The following CPNE4 variants were observed in gnomAD, a reference collection of about 807,000 sequenced individuals.
CPNE4 encodes copine 4, also known as copine-4.
Under a neutral mutation model 67.9 loss-of-function variants are expected in CPNE4, and 25 were observed. That is an observed-to-expected ratio of 0.37 (90% confidence interval 0.27 to 0.51). CPNE4 has a LOEUF of 0.51. Ranked by LOEUF, CPNE4 falls within the 20% of genes least tolerant of loss-of-function variation. The pLI, the probability that CPNE4 is intolerant of heterozygous loss-of-function variation, is 0.93. For missense variants in CPNE4, 464 were observed against 690.8 expected, an observed-to-expected ratio of 0.67 and a Z score of 3.68; for synonymous variants, 242 against 244.9, an observed-to-expected ratio of 0.99 and a Z score of 0.11.
chr3:131,863,722 T>C (rs1340734964), intron 2 of CPNE4, among the ~76,000 whole-genome samples: 2 of 152,236 alleles, frequency 1.3e-5, no homozygotes, highest in Non-Finnish European at 2.9e-5. Context: ...AGATCCCATT[T>C]GTCAATTTTG....
intron 7 of CPNE4, among the ~76,000 whole-genome samples, chr3:131,633,137 C>T (rs6767010): frequency 0.27 from 41,808 of 152,092 alleles, 9,492 homozygotes; most frequent in African/African-American, 0.63. Context: ...TCAAATCTTT[C>T]AGGAAATCTT....
chr3:131,835,685 T>C (rs75977129), intron 2 of CPNE4, among the ~76,000 whole-genome samples: 3,255 of 152,182 alleles, frequency 0.021, 106 homozygotes, highest in African/African-American at 0.073. Flanking sequence ...CTGTGACATA[T>C]AGGTAGGGAT....
chr3:131,896,346 C>T (rs1360013705), intron 2 of CPNE4, among the ~76,000 whole-genome samples: 1 of 151,994 alleles, frequency 6.6e-6, no homozygotes, highest in African/African-American at 2.4e-5. Flanking sequence ...ATCATAGCAT[C>T]ACAACAAACA....
At chr3:131,588,221 C>G (rs993439578) in intron 7 of CPNE4, among the ~76,000 whole-genome samples, 2 of 152,174 alleles carry the variant, frequency 1.3e-5, no homozygotes, top group African/African-American at 4.8e-5. Flanking sequence ...ACCCATCACA[C>G]ACAAGATGCA....
chr3:131,762,240 C>T (rs1251053641), intron 2 of CPNE4, among the ~76,000 whole-genome samples: 1 of 152,014 alleles, frequency 6.6e-6, no homozygotes, highest in Non-Finnish European at 1.5e-5. Context: ...TATTAAGGGG[C>T]ACCCAGGAAG....
chr3:131,977,717 C>T (rs1168478328), intron 1 of CPNE4, among the ~76,000 whole-genome samples: 1 of 151,860 alleles, frequency 6.6e-6, no homozygotes, highest in Non-Finnish European at 1.5e-5. Flanking sequence ...TACAGGGGTA[C>T]AGGTGATATT....
chr3:131,577,155 A>T (rs1040479049), intron 9 of CPNE4, among the ~76,000 whole-genome samples: 2 of 152,122 alleles, frequency 1.3e-5, no homozygotes, highest in Non-Finnish European at 2.9e-5. Context: ...GGGTAGGGAT[A>T]TGACCCAAAG....
At chr3:131,640,846 A>G (rs1405310997) in intron 7 of CPNE4, among the ~76,000 whole-genome samples, 1 of 152,174 alleles carries the variant, frequency 6.6e-6, no homozygotes, top group Non-Finnish European at 1.5e-5. Context: ...AGAATAGAGA[A>G]CCCAGAAATA....
chr3:131,994,993 A>C (rs886089216), intron 1 of CPNE4, among the ~76,000 whole-genome samples: 3 of 152,080 alleles, frequency 2.0e-5, no homozygotes, highest in African/African-American at 7.2e-5. Context: ...TCCTACCTCT[A>C]GGAGGTAACA....
intron 5 of CPNE4, among the ~76,000 whole-genome samples, chr3:131,691,524 G>A (rs1207387302): frequency 3.3e-5 from 5 of 152,114 alleles, no homozygotes; most frequent in African/African-American, 7.2e-5. Context: ...TGGGAACAGT[G>A]GACGATGGTG....
At chr3:131,979,819 T>C (rs1242820423) in intron 1 of CPNE4, among the ~76,000 whole-genome samples, 1 of 152,274 alleles carries the variant, frequency 6.6e-6, no homozygotes, top group Non-Finnish European at 1.5e-5. Flanking sequence ...AAAGAGACTC[T>C]GTTGTGATGT....
intron 7 of CPNE4, among the ~76,000 whole-genome samples, chr3:131,650,602 G>T (rs940920125): frequency 2.0e-5 from 3 of 149,922 alleles, no homozygotes. Context: ...AAAATTAGCC[G>T]GGCGTGGTGG....
intron 7 of CPNE4, among the ~76,000 whole-genome samples, chr3:131,641,275 G>A (rs753417771): frequency 6.6e-6 from 1 of 151,738 alleles, no homozygotes; most frequent in Non-Finnish European, 1.5e-5. Context: ...ATCTGACAAA[G>A]GACTAATATC....
chr3:131,720,277 G>A (rs2107740180), intron 3 of CPNE4, among the ~76,000 whole-genome samples: 1 of 144,112 alleles, frequency 6.9e-6, no homozygotes, highest in African/African-American at 2.5e-5. Context: ...CTTAGGAACA[G>A]GAATGGGTTT....
chr3:131,929,925 G>A (rs976388981), intron 1 of CPNE4, among the ~76,000 whole-genome samples: 1 of 152,112 alleles, frequency 6.6e-6, no homozygotes, highest in Admixed American at 6.5e-5. Context: ...GTATCAATGG[G>A]CAATCACTTG....
At chr3:131,919,607 G>A (rs1455687911) in intron 1 of CPNE4, among the ~76,000 whole-genome samples, 1 of 152,098 alleles carries the variant, frequency 6.6e-6, no homozygotes, top group Non-Finnish European at 1.5e-5. Flanking sequence ...ATTTAGGAGG[G>A]TTTGCTTTGT....
chr3:131,677,042 G>GTT (rs57278305), intron 6 of CPNE4, among the ~76,000 whole-genome samples: 204 of 145,368 alleles, frequency 1.4e-3, no homozygotes, highest in African/African-American at 4.0e-3. Flanking sequence ...TCCGGCATCT[G>GTT]TTTTTTTTTT....
chr3:131,609,821 C>A (rs919163458), intron 7 of CPNE4, among the ~76,000 whole-genome samples: 1 of 152,022 alleles, frequency 6.6e-6, no homozygotes, highest in Non-Finnish European at 1.5e-5. Flanking sequence ...TTCAGGTTGA[C>A]CATATAGTAA....
chr3:131,898,812 C>T (rs1295027136), intron 2 of CPNE4, among the ~76,000 whole-genome samples: 1 of 152,076 alleles, frequency 6.6e-6, no homozygotes, highest in Non-Finnish European at 1.5e-5. Context: ...TTTCTAATAT[C>T]ACCAAGATCA....
Sources: gnomAD v4.1 joint callset for allele counts (sites outside exome capture counted in the v4.1 genomes callset) on GRCh38, gnomAD v4.1.1 for gene constraint, MANE v1.5 for transcripts, NCBI Gene and HGNC (gene_info 2026-07-23, HGNC 2026-07-21) for gene names.